Variants in CD36 observed in about 807,000 individuals in gnomAD.
CD36 encodes the protein platelet glycoprotein 4.
Under a neutral mutation model 55.2 loss-of-function variants are expected in CD36, and 119 were observed. The ratio of observed to expected loss-of-function variants is 2.15; its 90% CI spans 1.86 to 2.51. CD36 has a LOEUF of 2.51. CD36 is among the 30% of genes most tolerant of loss of function. The probability of loss-of-function intolerance (pLI) is 0.00; values close to 1 mark genes in which losing one functional copy is unlikely to be tolerated. For synonymous variants in CD36, 186 were observed against 193.6 expected, an observed-to-expected ratio of 0.96 and a Z score of 0.33; for missense variants, 819 against 555.5, an observed-to-expected ratio of 1.47 and a Z score of -4.77.
In CD36 at chr7:80,676,738, C is replaced by T. The variant is rs1296807664; in HGVS notation, c.*355C>T. The T allele has an allele frequency of 6.6e-6, 1 of 151,934 alleles. No individual in the cohort carries two copies. The highest frequency in any genetic ancestry group is 1.5e-5 in the Non-Finnish European group (1 of 68,000). 9.4% of individuals were successfully genotyped at this position (151,934 alleles called of 1,614,324 possible). On this transcript the variant is annotated 3_prime_UTR_variant, in exon 15 of 15. Coordinates refer to ENST00000447544, the MANE Select transcript of CD36 (RefSeq NM_001001548.3). ...TGCAAATGGACATCATTTTAGCACACTAGCGGTTTATATTTTAAGGACCTT... is the reference window on the plus strand; with the variant it reads ...TGCAAATGGACATCATTTTAGCACATTAGCGGTTTATATTTTAAGGACCTT...
intron 1 of CD36, among the ~76,000 whole-genome samples, chr7:80,643,094 T>C (rs1196099651): frequency 1.3e-5 from 2 of 152,226 alleles, no homozygotes; most frequent in East Asian, 1.9e-4. Context: ...GAGGGAGCCA[T>C]TGGAGCGCAT....
intron 1 of CD36, among the ~76,000 whole-genome samples, chr7:80,643,985 C>T (rs573082637): frequency 1.1e-4 from 16 of 152,146 alleles, no homozygotes; most frequent in Non-Finnish European, 2.1e-4. Flanking sequence ...CCCTAAATCT[C>T]ATTATCAGTT....
rs559554804 is a variant in CD36 at position 80,624,883 on chromosome 7, A to G, written c.-183-21205A>G. ...GTAAGACAGAGTGGTTGACTTCTCA[A>G]TGTTGGAGCAAGCAGAATCTATCCT... On this transcript the variant is annotated intron_variant, in intron 1 of 13. Coordinates refer to the CD36 transcript ENST00000309881. 4 of 152,182 alleles carry G rather than the reference A, an allele frequency of 2.6e-5. No individual in the cohort carries two copies. The South Asian group carries it at 8.3e-4, about 32-fold the overall frequency. 9.4% of individuals were successfully genotyped at this position (152,182 alleles called of 1,614,324 possible).
chr7:80,647,258 C>CTGTGTGTGTG (rs3138813), intron 3 of CD36: 4,605 of 204,904 alleles, frequency 0.022, 89 homozygotes, highest in African/African-American at 0.051. Flanking sequence ...AAAAGTAAAA[C>CTGTGTGTGTG]TGTGTGTGTG....
At chr7:80,629,915 A>G (rs1351616168) in intron 1 of CD36, among the ~76,000 whole-genome samples, 4 of 145,972 alleles carry the variant, frequency 2.7e-5, no homozygotes, top group Non-Finnish European at 4.5e-5. Context: ...TTTTTTTGGT[A>G]TCATGAAAAA....
At chr7:80,663,306 A>G in intron 6 of CD36, 137 bp downstream of exon 6, 2 of 740,386 alleles carry the variant, frequency 2.7e-6, no homozygotes, top group Admixed American at 4.5e-5. Flanking sequence ...CTTTTTAAAA[A>G]GTCCACTTCT....
intron 1 of CD36, among the ~76,000 whole-genome samples, chr7:80,614,237 G>C (rs954043290): frequency 6.6e-6 from 1 of 152,070 alleles, no homozygotes; most frequent in Non-Finnish European, 1.5e-5. Flanking sequence ...GAGCACATCC[G>C]TATTGTGGAG....
chr7:80,665,052 TAACTC>T (rs1196941633), intron 7 of CD36, among the ~76,000 whole-genome samples: 2 of 152,138 alleles, frequency 1.3e-5, no homozygotes, highest in Non-Finnish European at 2.9e-5. Flanking sequence ...TCCATATTGA[TAACTC>T]AGCTTTTTTA....
intron 3 of CD36, among the ~76,000 whole-genome samples, chr7:80,655,931 A>C (rs1796014321): frequency 6.7e-6 from 1 of 149,544 alleles, no homozygotes; most frequent in African/African-American, 2.5e-5. Context: ...AAAAAAAAAA[A>C]AAAGAAAAGA....
upstream of CD36, among the ~76,000 whole-genome samples, chr7:80,637,987 G>T (rs1794541737): frequency 6.6e-6 from 1 of 151,626 alleles, no homozygotes. Flanking sequence ...TTTGGTTGAA[G>T]AAATTTAAAG....
intron 5 of CD36, 132 bp downstream of exon 5, chr7:80,661,342 T>A (rs546125473): frequency 4.8e-6 from 4 of 831,164 alleles, no homozygotes; most frequent in Non-Finnish European, 7.8e-6. Flanking sequence ...ATCATTATTT[T>A]GAATGGAGGC....
chr7:80,621,287 T>C (rs565986017), intron 1 of CD36, among the ~76,000 whole-genome samples: 1 of 152,376 alleles, frequency 6.6e-6, no homozygotes, highest in Non-Finnish European at 1.5e-5. Context: ...TTTATTGTGA[T>C]ATTCACTATA....
intron 1 of CD36, among the ~76,000 whole-genome samples, chr7:80,629,762 T>G (rs1793966067): frequency 6.6e-6 from 1 of 152,054 alleles, no homozygotes; most frequent in Non-Finnish European, 1.5e-5. Context: ...GTTCTTCATG[T>G]GTAGAAATAG....
intron 1 of CD36, among the ~76,000 whole-genome samples, chr7:80,606,110 C>G (rs1413660): frequency 6.6e-6 from 1 of 152,060 alleles, no homozygotes; most frequent in Non-Finnish European, 1.5e-5. Context: ...TAAATATTTC[C>G]TAAATCAAAA....
intron 8 of CD36, among the ~76,000 whole-genome samples, chr7:80,667,742 C>CTTTTTTTTTTTTTTTTT (rs1554344704): frequency 3.2e-5 from 3 of 92,940 alleles, no homozygotes; most frequent in African/African-American, 1.2e-4. Flanking sequence ...CAGGGGTTTT[C>CTTTTTTTTTTTTTTTTT]TTTTGTTTTT....
chr7:80,634,765 AT>A (rs1002080065), upstream of CD36, among the ~76,000 whole-genome samples: 6 of 151,908 alleles, frequency 3.9e-5, no homozygotes, highest in African/African-American at 7.3e-5. Context: ...TGTTAAAAGG[AT>A]TTTTTTTAAC....
chr7:80,644,359 A>T (rs1449412708), intron 1 of CD36, among the ~76,000 whole-genome samples: 1 of 152,220 alleles, frequency 6.6e-6, no homozygotes, highest in Non-Finnish European at 1.5e-5. Flanking sequence ...ACATTGGAGA[A>T]AAATGACACT....
intron 1 of CD36, among the ~76,000 whole-genome samples, chr7:80,643,804 T>TTAG (rs1794969129): frequency 6.6e-6 from 1 of 152,178 alleles, no homozygotes; most frequent in African/African-American, 2.4e-5. Context: ...CTGCTTTCAT[T>TTAG]TAGCAAGACA....
At chr7:80,638,841 A>G (rs1330654615) in intron 1 of CD36, 95 bp downstream of exon 1, 1 of 151,334 alleles carries the variant, frequency 6.6e-6, no homozygotes, top group African/African-American at 2.4e-5. Flanking sequence ...AAATACTCCT[A>G]AGAAGTTATA....
Sources: allele counts gnomAD v4.1 joint callset (sites outside exome capture counted in the v4.1 genomes callset), GRCh38; gene constraint gnomAD v4.1.1; transcripts MANE v1.5; gene names NCBI Gene and HGNC (gene_info 2026-07-23, HGNC 2026-07-21).